HOMER2: variants seen among roughly 807,000 people sequenced by gnomAD.
The protein encoded by HOMER2 is homer protein homolog 2.
Under a neutral mutation model 47.0 loss-of-function variants are expected in HOMER2, and 27 were observed. That is an observed-to-expected ratio of 0.57 (90% CI 0.42 to 0.79). The LOEUF is 0.79. Among genes scored for constraint, HOMER2 ranks in the 30% least tolerant of loss-of-function variants. The probability of loss-of-function intolerance (pLI) is 0.00; values close to 1 mark genes in which losing one functional copy is unlikely to be tolerated. For missense variants in HOMER2, 443 were observed against 435.0 expected (o/e 1.02, Z -0.16); for synonymous variants, 161 against 163.8 (o/e 0.98, Z 0.13).
intron 1 of HOMER2, among the ~76,000 whole-genome samples, chr15:82,917,235 T>C (rs2053615106): frequency 1.3e-5 from 2 of 152,376 alleles, no homozygotes; most frequent in South Asian, 4.1e-4. Flanking sequence ...GCAGAATTTA[T>C]GAAAAAGTAA....
At chr15:82,859,203 T>C (rs1373597469) in intron 4 of HOMER2, 68 bp from the exon 5 acceptor site, 5 of 1,605,626 alleles carry the variant, frequency 3.1e-6, no homozygotes, top group Non-Finnish European at 4.3e-6. Context: ...ACGTTATTGC[T>C]TGTCTGCACA....
At chr15:82,858,978 G>C in intron 5 of HOMER2, 51 bp downstream of exon 5, 3 of 1,579,416 alleles carry the variant, frequency 1.9e-6, no homozygotes, top group African/African-American at 1.4e-5. Context: ...AGGCTTCTAG[G>C]GAAGTGCTGA....
rs973061946 is a variant in HOMER2, at chr15:82,875,415, A to G, written c.163-11T>C. 1.2e-6 allele frequency: 2 copies of G among 1,613,576 alleles called. No homozygotes were observed. Among genetic ancestry groups the G allele is most frequent in the Middle Eastern group, 1.7e-4 (1 of 6,056 alleles). The stretch of plus-strand genomic sequence containing the variant: ...GCTGTTTATGATCACCTGCAGAAAA[A>G]CAGCCCAAAGAGTGAAAATTTAAAT... On this transcript the variant is annotated splice_polypyrimidine_tract_variant and intron_variant, in intron 2 of 8. Coordinates refer to ENST00000450735, the MANE Select transcript of HOMER2 (RefSeq NM_004839.4).
intron 4 of HOMER2, 75 bp downstream of exon 4, chr15:82,864,092 G>A: frequency 1.1e-6 from 1 of 893,980 alleles, no homozygotes; most frequent in East Asian, 2.5e-5. Context: ...CCCTATTTCT[G>A]GCCAGAAGTG....
chr15:82,951,285 G>A (rs1567073010), intron 1 of HOMER2, among the ~76,000 whole-genome samples: 1 of 152,146 alleles, frequency 6.6e-6, no homozygotes, highest in Non-Finnish European at 1.5e-5. Flanking sequence ...TCCAGTTCAT[G>A]TTGGCCCACA....
intron 1 of HOMER2, among the ~76,000 whole-genome samples, chr15:82,908,943 G>A (rs737327): frequency 0.014 from 2,194 of 152,064 alleles, 43 homozygotes; most frequent in African/African-American, 0.047. Context: ...ACAACACCAG[G>A]GAGCCCACAG....
intron 1 of HOMER2, among the ~76,000 whole-genome samples, chr15:82,925,619 G>C (rs888589458): frequency 1.2e-4 from 19 of 152,110 alleles, no homozygotes; most frequent in African/African-American, 4.3e-4. Flanking sequence ...TAACCCTTAA[G>C]AGTTCCTTCT....
At chr15:82,902,293 G>T (rs1320265259) in intron 1 of HOMER2, among the ~76,000 whole-genome samples, 2 of 149,684 alleles carry the variant, frequency 1.3e-5, no homozygotes, top group Non-Finnish European at 3.0e-5. Context: ...TGCCTCCCAG[G>T]TTCAAGTGAT....
chr15:82,844,595 G>A (rs1012623459), downstream of HOMER2: 3 of 152,124 alleles, frequency 2.0e-5, no homozygotes, highest in African/African-American at 7.2e-5. Flanking sequence ...GTTAACAGTG[G>A]TTATAATCAG....
intron 1 of HOMER2, among the ~76,000 whole-genome samples, chr15:82,967,295 G>A (rs2054683005): frequency 1.3e-5 from 2 of 151,954 alleles, no homozygotes; most frequent in Non-Finnish European, 1.5e-5. Flanking sequence ...TTTGTGAGAT[G>A]TTCAAATCTG....
rs866034077 is a variant in HOMER2 at position 82,876,186 on chromosome 15, T to C, written c.163-782A>G. Among the ~76,000 whole-genome samples the C allele has an allele frequency of 7.2e-5, 11 of 152,286 alleles. 1 individual carries two copies. The Middle Eastern group carries it at 0.017, about 235-fold the overall frequency. ...CCTTTGATTTCCACTTGCCATTGGA[T>C]AAACCCAGCTAGAAGCCAGAGGGCT... On this transcript the variant is annotated intron_variant, in intron 2 of 8. Coordinates refer to ENST00000450735, the MANE Select transcript of HOMER2 (RefSeq NM_004839.4).
chr15:82,971,942 C>A (rs535569812), intron 1 of HOMER2, among the ~76,000 whole-genome samples: 1 of 152,320 alleles, frequency 6.6e-6, no homozygotes, highest in East Asian at 1.9e-4. Context: ...TAAATCTCCT[C>A]TTCTATTCTC....
At chr15:82,847,979 T>C (rs941016735), downstream of HOMER2, among the ~76,000 whole-genome samples, 1 of 152,176 alleles carries the variant, frequency 6.6e-6, no homozygotes, top group Non-Finnish European at 1.5e-5. Flanking sequence ...ATCACAAAGA[T>C]GGCTGGCCAC....
chr15:82,957,578 C>G (rs907861125), upstream of HOMER2, among the ~76,000 whole-genome samples: 2 of 152,144 alleles, frequency 1.3e-5, no homozygotes, highest in Admixed American at 6.5e-5. Flanking sequence ...CAGAGCCCTC[C>G]ATAGATTCAG....
intron 6 of HOMER2, among the ~76,000 whole-genome samples, chr15:82,853,424 C>T (rs188313471): frequency 1.3e-5 from 2 of 152,180 alleles, no homozygotes; most frequent in Non-Finnish European, 2.9e-5. Flanking sequence ...CAACCGTCAG[C>T]ACCAAGATGA....
downstream of HOMER2, chr15:82,844,683 A>G (rs2051215471): frequency 6.6e-6 from 1 of 152,150 alleles, no homozygotes; most frequent in Non-Finnish European, 1.5e-5. Flanking sequence ...TTATTTATGT[A>G]CCAAGAAAGC....
At chr15:82,900,289 A>T (rs2053071965) in intron 1 of HOMER2, among the ~76,000 whole-genome samples, 2 of 152,154 alleles carry the variant, frequency 1.3e-5, no homozygotes, top group African/African-American at 4.8e-5. Context: ...ACATAGCAAG[A>T]CCCATTTTTT....
chr15:82,961,614 G>C (rs745509869), intron 1 of HOMER2, among the ~76,000 whole-genome samples: 6 of 149,454 alleles, frequency 4.0e-5, no homozygotes, highest in Non-Finnish European at 8.9e-5. Context: ...TCCTAAACAA[G>C]TTTTTTTTTT....
At chr15:82,968,833 G>C (rs914373441) in intron 1 of HOMER2, among the ~76,000 whole-genome samples, 1 of 152,156 alleles carries the variant, frequency 6.6e-6, no homozygotes, top group Non-Finnish European at 1.5e-5. Context: ...ATAGGTTTCA[G>C]CTTCGAGGCT....
Sources: allele counts gnomAD v4.1 joint callset (sites outside exome capture counted in the v4.1 genomes callset), GRCh38; gene constraint gnomAD v4.1.1; transcripts MANE v1.5; gene names NCBI Gene and HGNC (gene_info 2026-07-23, HGNC 2026-07-21).